The following NCK2 variants were observed in gnomAD, a reference collection of about 807,000 sequenced individuals.
The protein encoded by NCK2 is NCK adaptor protein 2.
NCK2 carries 16 observed loss-of-function variants against 33.9 expected under a neutral mutation model. That is an observed-to-expected ratio of 0.47 (90% CI 0.32 to 0.72). The LOEUF is 0.72. Ranked by LOEUF, NCK2 falls within the 30% of genes least tolerant of loss-of-function variation. The probability of loss-of-function intolerance (pLI) is 0.03; values close to 1 mark genes in which losing one functional copy is unlikely to be tolerated. For synonymous variants in NCK2, 273 were observed against 239.9 expected (o/e 1.14, Z -1.27); for missense variants, 418 against 537.3 (o/e 0.78, Z 2.19).
intron 2 of NCK2, among the ~76,000 whole-genome samples, chr2:105,830,687 G>GTGTGTGTGTGTGTGTGTGTGTA (rs1676143180): frequency 1.5e-5 from 2 of 132,038 alleles, no homozygotes; most frequent in African/African-American, 2.9e-5. Flanking sequence ...GTGTGTGTGT[G>GTGTGTGTGTGTGTGTGTGTGTA]TGTGTGTGTG....
rs552060434 is a variant in NCK2 at position 105,866,898 on chromosome 2, T to G, written c.226+11609T>G. On this transcript the variant is annotated intron_variant, in intron 3 of 4. Coordinates refer to ENST00000233154, the MANE Select transcript of NCK2 (RefSeq NM_003581.5). ...TGGGATGCTCAGTGTGGCTTATATA[T>G]TCTGTGAGTCATGTAAAAGGAGAAG... Among the ~76,000 whole-genome samples the G allele has an allele frequency of 2.6e-5, 4 of 152,336 alleles. No individual in the cohort carries two copies. In the South Asian group the frequency reaches 8.3e-4, roughly 32 times the overall value.
Position 105,881,716 on chromosome 2 carries a change from C to T in NCK2, c.615C>T (p.Pro205=), listed in dbSNP as rs1157162475. 2.5e-6 allele frequency: 4 copies of T among 1,614,112 alleles called. No individual in the cohort carries two copies. Among genetic ancestry groups the T allele is most frequent in the Non-Finnish European group, 3.4e-6 (4 of 1,180,046 alleles). The change falls in exon 4 of 5, where the codon CCC becomes CCT. Residue 205 remains proline, a synonymous_variant. Coordinates refer to ENST00000233154, the MANE Select transcript of NCK2 (RefSeq NM_003581.5). ...TGCATGTGGTCCAGACGCTGTACCC[C>T]TTCAGCTCAGTCACCGAGGAGGAGC... ...RVLHVVQTLY[P]FSSVTEEELN... is the part of the protein sequence containing the mutation.
rs756217972 is a variant in NCK2, at chr2:105,881,873, G to T, written c.772G>T (p.Gly258Trp). ...AAACTACGTGGTGGTCCTCAGTGAC[G>T]GGCCTGCCCTGCACCCTGCGCACGC... ...PKNYVVVLSDGPALHPAHAPQ... is the reference protein window; with the variant it reads ...PKNYVVVLSDWPALHPAHAPQ... The change falls in exon 4 of 5, where the codon GGG becomes TGG. Residue 258 changes from glycine to tryptophan, a missense_variant. By Grantham distance (184) the Gly-to-Trp change is radical (BLOSUM62 -2). Transcript: ENST00000233154. The T allele has an allele frequency of 1.3e-6, 2 of 1,585,458 alleles. No homozygotes were observed. The highest frequency in any genetic ancestry group is 2.7e-5 in the African/African-American group (2 of 74,294).
intron 3 of NCK2, among the ~76,000 whole-genome samples, chr2:105,857,383 C>A (rs1427893147): frequency 2.0e-5 from 3 of 152,262 alleles, no homozygotes; most frequent in Non-Finnish European, 2.9e-5. Context: ...TGGAGCGCAG[C>A]GTCGGTTCGA....
intron 1 of NCK2, among the ~76,000 whole-genome samples, chr2:105,792,918 A>G (rs1029996988): frequency 6.6e-6 from 1 of 152,128 alleles, no homozygotes; most frequent in South Asian, 2.1e-4. Context: ...AGGTGAGGAG[A>G]GTACTTGTCA....
At chr2:105,814,685 C>T (rs1035838615) in intron 1 of NCK2, among the ~76,000 whole-genome samples, 4 of 152,166 alleles carry the variant, frequency 2.6e-5, no homozygotes, top group Non-Finnish European at 4.4e-5. Context: ...ACTCTCCAGT[C>T]GGTTGGGAAA....
chr2:105,891,378 C>T (rs1678969670), intron 4 of NCK2, among the ~76,000 whole-genome samples: 1 of 152,056 alleles, frequency 6.6e-6, no homozygotes, highest in African/African-American at 2.4e-5. Context: ...CATGCACACA[C>T]ATGTATCCAG....
chr2:105,894,247 T>C lies in NCK2; in HGVS notation c.*1071T>C, dbSNP rs1238945322. The C allele has an allele frequency of 6.6e-6, 1 of 152,592 alleles. No individual in the cohort carries two copies. Among genetic ancestry groups the C allele is most frequent in the Non-Finnish European group, 1.5e-5 (1 of 68,022 alleles). The allele number at this position is 152,592 out of a possible 1,614,324, so 9.5% of individuals were successfully genotyped here. A position where few individuals can be genotyped will look rare whatever the true frequency, so the allele number is the denominator to read the frequency against. On this transcript the variant is annotated 3_prime_UTR_variant, in exon 5 of 5. Coordinates refer to ENST00000233154, the MANE Select transcript of NCK2 (RefSeq NM_003581.5). Reference sequence around the variant, plus strand: ...CTTGCATACCCAGTTTTTTGGATATTGTAATAAAAAAAAGTATTATGACAA... The same window carrying C: ...CTTGCATACCCAGTTTTTTGGATATCGTAATAAAAAAAAGTATTATGACAA...
At chr2:105,795,400 A>T (rs1691044111) in intron 1 of NCK2, among the ~76,000 whole-genome samples, 1 of 152,226 alleles carries the variant, frequency 6.6e-6, no homozygotes, top group South Asian at 2.1e-4. Flanking sequence ...ATTGTAACTT[A>T]ATCATGATAT....
intron 1 of NCK2, among the ~76,000 whole-genome samples, chr2:105,776,779 C>T (rs1294551874): frequency 2.0e-5 from 3 of 152,048 alleles, no homozygotes; most frequent in African/African-American, 4.8e-5. Flanking sequence ...TCGGACCACA[C>T]GTGACTATTC....
At chr2:105,833,736 G>A (rs1413627278) in intron 2 of NCK2, among the ~76,000 whole-genome samples, 2 of 151,762 alleles carry the variant, frequency 1.3e-5, no homozygotes, top group Non-Finnish European at 2.9e-5. Context: ...GGTTTGGTTT[G>A]TTCTCACTTT....
chr2:105,855,068 CAGA>C lies in NCK2; in HGVS notation c.11_13del (p.Glu4del). The C allele has an allele frequency of 1.9e-6, 3 of 1,613,902 alleles. No individual in the cohort carries two copies. Among genetic ancestry groups the C allele is most frequent in the Non-Finnish European group, 2.5e-6 (3 of 1,179,792 alleles). On this transcript the variant is annotated inframe_deletion, in exon 3 of 5. Coordinates refer to ENST00000233154, the MANE Select transcript of NCK2 (RefSeq NM_003581.5). ...GGCAGAAGGACTCCATGAAAGATGA[CAGA>C]AGAAGTTATTGTGATAGCCAAGTGG...
At chr2:105,875,587 G>A (rs190095326) in intron 3 of NCK2, among the ~76,000 whole-genome samples, 124 of 152,214 alleles carry the variant, frequency 8.1e-4, no homozygotes, top group African/African-American at 2.5e-3. Flanking sequence ...AATGGGATTC[G>A]TGCCCTTATA....
At chr2:105,752,857 G>A (rs1689495643) in intron 1 of NCK2, among the ~76,000 whole-genome samples, 1 of 152,140 alleles carries the variant, frequency 6.6e-6, no homozygotes. Context: ...TTAAGTACAA[G>A]CTAAAATCAT....
intron 3 of NCK2, chr2:105,856,642 T>C (rs1677283350): frequency 6.6e-6 from 1 of 152,226 alleles, no homozygotes; most frequent in Non-Finnish European, 1.5e-5. Context: ...TATTAGGTAG[T>C]ATTTTTGTGT....
chr2:105,844,358 G>T (rs4627591), intron 2 of NCK2, among the ~76,000 whole-genome samples: 33,410 of 151,920 alleles, frequency 0.22, 3,963 homozygotes, highest in East Asian at 0.32. Context: ...TATGGGTAGT[G>T]GTTCATTAAT....
intron 1 of NCK2, among the ~76,000 whole-genome samples, chr2:105,805,311 C>T (rs1483537843): frequency 6.6e-6 from 1 of 152,020 alleles, no homozygotes; most frequent in Non-Finnish European, 1.5e-5. Context: ...AAGGGTCCAG[C>T]GTTTGAGGAG....
chr2:105,750,897 C>T (rs1415642733), intron 1 of NCK2, among the ~76,000 whole-genome samples: 1 of 152,200 alleles, frequency 6.6e-6, no homozygotes. Context: ...TCCTCTGAGC[C>T]TGCCATCTCT....
At chr2:105,868,545 G>A (rs1212922001) in intron 3 of NCK2, among the ~76,000 whole-genome samples, 19 of 152,202 alleles carry the variant, frequency 1.2e-4, no homozygotes, top group Non-Finnish European at 2.9e-5. Context: ...GTAAAGTAGA[G>A]ATGAATTAGT....
Sources: gnomAD v4.1 joint callset for allele counts (sites outside exome capture counted in the v4.1 genomes callset) on GRCh38, gnomAD v4.1.1 for gene constraint, MANE v1.5 for transcripts, NCBI Gene and HGNC (gene_info 2026-07-23, HGNC 2026-07-21) for gene names.